ANO3: variants seen among roughly 807,000 people sequenced by gnomAD.
The protein encoded by ANO3 is anoctamin-3.
A neutral mutation model predicts 144.8 loss-of-function variants in ANO3; 99 were observed. The observed-to-expected ratio is 0.68, with a 90% CI of 0.58 to 0.81. ANO3 has a LOEUF of 0.81. Ranked by LOEUF, ANO3 falls within the 30% of genes least tolerant of loss-of-function variation. ANO3 has a pLI of 0.00. For synonymous variants in ANO3, 414 were observed against 392.6 expected, an observed-to-expected ratio of 1.05 and a Z score of -0.64; for missense variants, 905 against 1,202.2, an observed-to-expected ratio of 0.75 and a Z score of 3.66.
chr11:26,572,013 A>T (rs1167908912), intron 14 of ANO3: 5 of 854,448 alleles, frequency 5.9e-6, no homozygotes, highest in Non-Finnish European at 7.0e-6. Context: ...AGAAAGCGAG[A>T]GACCTAAGTG....
At chr11:26,651,754 T>C (rs997320077) in intron 24 of ANO3, among the ~76,000 whole-genome samples, 1 of 152,206 alleles carries the variant, frequency 6.6e-6, no homozygotes, top group Non-Finnish European at 1.5e-5. Context: ...ATAATTTTTC[T>C]AAATGCAAAG....
rs1324177371 is a variant in ANO3, at chr11:26,387,037, GA to G, written c.46+54721del. On this transcript the variant is annotated intron_variant, in intron 1 of 26. Transcript: ENST00000256737. ...ATGTCAGCAGCTCTGAAAAGACTCG[GA>G]AAAAGTCTTATAATAATTAGAATGG... Among the ~76,000 whole-genome samples, 3 of 151,638 alleles carry G rather than the reference GA, an allele frequency of 2.0e-5. No homozygotes were observed. In the East Asian group the frequency reaches 5.8e-4, roughly 29 times the overall value.
intron 1 of ANO3, among the ~76,000 whole-genome samples, chr11:26,280,809 G>T (rs1163129030): frequency 6.6e-6 from 1 of 152,158 alleles, no homozygotes; most frequent in Non-Finnish European, 1.5e-5. Flanking sequence ...CCCAGGAATG[G>T]TGCCACCTTA....
intron 1 of ANO3, among the ~76,000 whole-genome samples, chr11:26,273,245 T>C (rs890931731): frequency 5.1e-5 from 7 of 137,746 alleles, no homozygotes; most frequent in African/African-American, 2.1e-4. Flanking sequence ...TTTTTTTTTT[T>C]ATATTGGACA....
At chr11:26,621,801 A>G (rs1467267667) in intron 17 of ANO3, among the ~76,000 whole-genome samples, 1 of 152,200 alleles carries the variant, frequency 6.6e-6, no homozygotes, top group Non-Finnish European at 1.5e-5. Context: ...AGAGAATTTC[A>G]GCTTACTAAA....
chr11:26,377,114 A>T (rs75964312), intron 1 of ANO3, among the ~76,000 whole-genome samples: 1 of 152,236 alleles, frequency 6.6e-6, no homozygotes, highest in African/African-American at 2.4e-5. Context: ...AAACAAAAAT[A>T]TCCTGGAGAA....
At chr11:26,218,721 G>T (rs1852082469) in intron 1 of ANO3, among the ~76,000 whole-genome samples, 1 of 152,162 alleles carries the variant, frequency 6.6e-6, no homozygotes, top group South Asian at 2.1e-4. Context: ...TGGAGCTCCA[G>T]GCTATTAAGG....
At chr11:26,264,565 T>C (rs192052540) in intron 1 of ANO3, among the ~76,000 whole-genome samples, 70 of 152,350 alleles carry the variant, frequency 4.6e-4, no homozygotes, top group African/African-American at 1.7e-3. Context: ...CTCATATTTC[T>C]TATTGCATTA....
At chr11:26,515,918 A>T (rs910969078) in intron 5 of ANO3, among the ~76,000 whole-genome samples, 1 of 151,956 alleles carries the variant, frequency 6.6e-6, no homozygotes, top group South Asian at 2.1e-4. Context: ...TGAACCTCAG[A>T]TATTGTAGGA....
In ANO3 at chr11:26,604,240, C is replaced by T. The variant is rs180812509; in HGVS notation, c.1836+4526C>T. Among the ~76,000 whole-genome samples, 33 of 152,232 alleles carry T rather than the reference C, an allele frequency of 2.2e-4. No individual in the cohort carries two copies. The East Asian group carries it at 6.2e-3, about 29-fold the overall frequency. On this transcript the variant is annotated intron_variant, in intron 17 of 26. Transcript: ENST00000256737. Reference sequence around the variant, plus strand: ...TGGTAGTAGATACGTGGTGTTATTTCTGAGGTCTCTGTACTGTTCCATTGG... The same window carrying T: ...TGGTAGTAGATACGTGGTGTTATTTTTGAGGTCTCTGTACTGTTCCATTGG...
At chr11:26,382,508 T>C (rs1443225728) in intron 1 of ANO3, among the ~76,000 whole-genome samples, 1 of 152,166 alleles carries the variant, frequency 6.6e-6, no homozygotes, top group East Asian at 1.9e-4. Context: ...ACTTATACCT[T>C]AAGAAAATTT....
Position 26,598,875 on chromosome 11 carries a change from G to A in ANO3, c.1548G>A (p.Gln516=). The A allele has an allele frequency of 6.2e-7, 1 of 1,613,538 alleles. No individual in the cohort carries two copies. The highest frequency in any genetic ancestry group is 8.5e-7 in the Non-Finnish European group (1 of 1,179,858). ...WEEEEETLRP[Q]FEAKYYKMEI... is the part of the protein sequence containing the mutation. ...TCTCATAGGAAACACTTCGTCCCCAGTTTGAAGCCAAGTATTACAAGATGG... is the reference window on the plus strand; with the variant it reads ...TCTCATAGGAAACACTTCGTCCCCAATTTGAAGCCAAGTATTACAAGATGG... Residue 516 remains glutamine (Q), a synonymous_variant, in exon 16 of 27, where the codon CAG becomes CAA. Coordinates refer to ENST00000256737, the MANE Select transcript of ANO3 (RefSeq NM_031418.4).
chr11:26,210,815 T>C (rs971429038), intron 1 of ANO3, among the ~76,000 whole-genome samples: 2 of 152,128 alleles, frequency 1.3e-5, no homozygotes, highest in African/African-American at 2.4e-5. Flanking sequence ...ATGCTTGTGA[T>C]TTTTGCGCAT....
intron 1 of ANO3, among the ~76,000 whole-genome samples, chr11:26,420,608 C>T (rs1233287500): frequency 6.6e-6 from 1 of 152,026 alleles, no homozygotes; most frequent in East Asian, 1.9e-4. Flanking sequence ...GGCTGTAATC[C>T]TCAATCTAAG....
In ANO3 at chr11:26,644,815, T is replaced by TCACACACACACA. The variant is rs71449132; in HGVS notation, c.2428+1504_2428+1515dup. ...GCCCTATATTTATTGGGAATACTAA[T>TCACACACACACA]CACACACACACACACACACACACAC... On this transcript the variant is annotated intron_variant, in intron 23 of 26. Transcript: ENST00000256737. Among the ~76,000 whole-genome samples, 1,571 of 145,256 alleles carry TCACACACACACA rather than the reference T, an allele frequency of 0.011. 52 individuals carry two copies. The East Asian group carries it at 0.12, about 11-fold the overall frequency.
At chr11:26,235,002 A>AAGAGAG (rs10694750) in intron 1 of ANO3, among the ~76,000 whole-genome samples, 2,159 of 140,248 alleles carry the variant, frequency 0.015, 60 homozygotes, top group East Asian at 0.12. Flanking sequence ...AGAGAAAAGA[A>AAGAGAG]AGAGAGAGAG....
intron 1 of ANO3, among the ~76,000 whole-genome samples, chr11:26,297,225 C>T (rs1038441145): frequency 6.9e-6 from 1 of 144,950 alleles, no homozygotes; most frequent in African/African-American, 2.7e-5. Context: ...TTCTTTTTAC[C>T]CTCCAGTATA....
At position 26,191,573 on chromosome 11, in the gene ANO3, T is replaced by C. The variant is rs141333371; in HGVS notation, c.154+2243T>C. On this transcript the variant is annotated intron_variant, in intron 1 of 27. Coordinates refer to the ANO3 transcript ENST00000672621. ...TCTTTGTTCACTATTTCAATGATTC[T>C]GTATAACCTGTGTTATAAACCTGGT... 2.0e-4 allele frequency among the ~76,000 whole-genome samples: 30 copies of C among 152,344 alleles called. 1 individual carries two copies. In the East Asian group the frequency reaches 5.8e-3, roughly 29 times the overall value.
intron 4 of ANO3, among the ~76,000 whole-genome samples, chr11:26,486,138 T>C (rs1860437166): frequency 6.6e-6 from 1 of 151,766 alleles, no homozygotes; most frequent in South Asian, 2.1e-4. Flanking sequence ...CCAAGGCAGG[T>C]GATCATGAGG....
Sources: allele counts gnomAD v4.1 joint callset (sites outside exome capture counted in the v4.1 genomes callset), GRCh38; gene constraint gnomAD v4.1.1; transcripts MANE v1.5; gene names NCBI Gene and HGNC (gene_info 2026-07-23, HGNC 2026-07-21).